Variants in ITPR1 observed in about 807,000 individuals in gnomAD.
ITPR1 encodes inositol 1,4,5-trisphosphate-gated calcium channel ITPR1.
Under a neutral mutation model 318.4 loss-of-function variants are expected in ITPR1, and 96 were observed. The ratio of observed to expected loss-of-function variants is 0.30; its 90% CI spans 0.26 to 0.36. ITPR1 has a LOEUF of 0.36. ITPR1 is among the 10% of genes least tolerant of loss of function. ITPR1 has a pLI of 1.00. For synonymous variants in ITPR1, 1,312 were observed against 1,289.9 expected (o/e 1.02, Z -0.37); for missense variants, 2,440 against 3,460.2 (o/e 0.71, Z 7.40).
At chr3:4,830,873 C>T in intron 60 of ITPR1, 3 of 454,642 alleles carry the variant, frequency 6.6e-6, no homozygotes, top group Middle Eastern at 6.5e-4. Context: ...CCCTCAACGC[C>T]TCATTCTCTG....
At chr3:4,830,830 A>G in intron 60 of ITPR1, 2 of 431,796 alleles carry the variant, frequency 4.6e-6, no homozygotes, top group East Asian at 7.1e-5. Context: ...CTTCTCCCCC[A>G]TGACCCTTTC....
chr3:4,831,122 C>T (rs1435561439), intron 60 of ITPR1: 2 of 354,122 alleles, frequency 5.6e-6, no homozygotes, highest in African/African-American at 6.1e-5. Flanking sequence ...CTCTCTCTCT[C>T]TCTCTCTCTC....
At chr3:4,780,780 G>A (rs1469964610) in intron 49 of ITPR1, among the ~76,000 whole-genome samples, 1 of 152,168 alleles carries the variant, frequency 6.6e-6, no homozygotes, top group Non-Finnish European at 1.5e-5. Context: ...CACTGGGGAG[G>A]CGAGGTTTGT....
At chr3:4,732,954 T>G (rs2043027654) in intron 42 of ITPR1, 134 bp from the exon 43 acceptor site, 1 of 877,052 alleles carries the variant, frequency 1.1e-6, no homozygotes, top group Non-Finnish European at 1.8e-6. Flanking sequence ...TCTAAATGCT[T>G]CCATGAATAA....
At chr3:4,721,348 T>C (rs1186829493) in intron 40 of ITPR1, among the ~76,000 whole-genome samples, 3 of 152,064 alleles carry the variant, frequency 2.0e-5, no homozygotes, top group Admixed American at 6.6e-5. Context: ...TGGAGCTAAA[T>C]AATTTTTGCT....
chr3:4,653,267 A>C lies in ITPR1; in HGVS notation c.952-575A>C, dbSNP rs562045714. On this transcript the variant is annotated intron_variant, in intron 11 of 61. Coordinates refer to ENST00000649015, the MANE Select transcript of ITPR1 (RefSeq NM_001378452.1). ...CAGCACTGCTCCTGTGCCTGACCCG[A>C]GGAAGGCTGGCTCTTAAGTGTGCTC... Among the ~76,000 whole-genome samples, 15 of 152,326 alleles carry C rather than the reference A, an allele frequency of 9.8e-5. No individual in the cohort carries two copies. In the East Asian group the frequency reaches 2.9e-3, roughly 29 times the overall value.
intron 31 of ITPR1, 135 bp downstream of exon 31, chr3:4,688,755 T>G: frequency 2.4e-6 from 2 of 830,458 alleles, no homozygotes; most frequent in Admixed American, 2.8e-5. Flanking sequence ...GGGGAACATT[T>G]TCATCACTTA....
chr3:4,792,390 C>A (rs1359373514), intron 52 of ITPR1, among the ~76,000 whole-genome samples: 1 of 152,190 alleles, frequency 6.6e-6, no homozygotes, highest in Admixed American at 6.5e-5. Context: ...TAACAAATTG[C>A]CCCAACATGT....
chr3:4,730,703 A>C (rs1391659164), intron 42 of ITPR1, among the ~76,000 whole-genome samples: 2 of 152,056 alleles, frequency 1.3e-5, no homozygotes, highest in Non-Finnish European at 2.9e-5. Flanking sequence ...GGAAGAAAAA[A>C]GCCACCACTA....
intron 20 of ITPR1, among the ~76,000 whole-genome samples, chr3:4,671,958 T>C (rs1243844988): frequency 6.6e-6 from 1 of 152,222 alleles, no homozygotes; most frequent in Non-Finnish European, 1.5e-5. Context: ...AAACTTGCCT[T>C]ATTTATTCAA....
intron 2 of ITPR1, among the ~76,000 whole-genome samples, chr3:4,495,197 G>A (rs1230424291): frequency 2.0e-5 from 3 of 151,786 alleles, no homozygotes; most frequent in African/African-American, 7.3e-5. Flanking sequence ...AGGTTTCAAC[G>A]GGTGCACGTA....
intron 59 of ITPR1, chr3:4,817,531 G>C (rs1299981679): frequency 6.6e-6 from 1 of 152,116 alleles, no homozygotes; most frequent in Non-Finnish European, 1.5e-5. Context: ...CATTATCCGT[G>C]ATATATTTAT....
At position 4,743,835 on chromosome 3, in the gene ITPR1, CT is replaced by C. The variant is rs536778299; in HGVS notation, c.5544+8482del. Among the ~76,000 whole-genome samples, 409 of 152,192 alleles carry C rather than the reference CT, an allele frequency of 2.7e-3. 4 individuals are homozygous for C. Among genetic ancestry groups the C allele is most frequent in the African/African-American group, 9.1e-3 (378 of 41,522 alleles). ...AGGAATTTGTTTCTTGTTCGTTTGT[CT>C]GTTTGTTTGTTTGTTTGAGACGGAG... is the stretch of plus-strand genomic sequence containing the variant. On this transcript the variant is annotated intron_variant, in intron 44 of 61. Transcript: ENST00000649015.
chr3:4,507,076 C>G (rs916721710), intron 2 of ITPR1, among the ~76,000 whole-genome samples: 6 of 147,844 alleles, frequency 4.1e-5, no homozygotes, highest in Non-Finnish European at 8.9e-5. Flanking sequence ...TTTTCCCAAA[C>G]AAAAATTTTG....
intron 4 of ITPR1, among the ~76,000 whole-genome samples, chr3:4,611,004 C>CT (rs2092062103): frequency 2.6e-5 from 2 of 75,728 alleles, no homozygotes; most frequent in South Asian, 6.3e-4. Flanking sequence ...TCCTTCCCTT[C>CT]CCTTCCCTTC....
At chr3:4,749,657 G>A (rs554629095) in intron 44 of ITPR1, 1 of 152,202 alleles carries the variant, frequency 6.6e-6, no homozygotes, top group Admixed American at 6.5e-5. Context: ...AAAGCTTATT[G>A]ACACCAAGGG....
intron 21 of ITPR1, 51 bp from the exon 22 acceptor site, chr3:4,674,151 C>T: frequency 6.8e-7 from 1 of 1,471,584 alleles, no homozygotes; most frequent in Non-Finnish European, 9.2e-7. Flanking sequence ...AGGAAGACCT[C>T]TCTGGGAATA....
At chr3:4,576,392 G>A (rs1380086609) in intron 4 of ITPR1, among the ~76,000 whole-genome samples, 1 of 152,222 alleles carries the variant, frequency 6.6e-6, no homozygotes, top group African/African-American at 2.4e-5. Flanking sequence ...TCTGAGGTGA[G>A]GCCTTGGGTT....
At chr3:4,661,975 G>A (rs2093844277) in intron 14 of ITPR1, 107 bp from the exon 15 acceptor site, 2 of 901,956 alleles carry the variant, frequency 2.2e-6, no homozygotes, top group Non-Finnish European at 3.4e-6. Context: ...CTGCAAGATA[G>A]CTCTAGTATC....
Sources: gnomAD v4.1 joint callset for allele counts (sites outside exome capture counted in the v4.1 genomes callset) on GRCh38, gnomAD v4.1.1 for gene constraint, MANE v1.5 for transcripts, NCBI Gene and HGNC (gene_info 2026-07-23, HGNC 2026-07-21) for gene names.